Variants in ASIC2 observed in about 807,000 individuals in gnomAD.
The protein encoded by ASIC2 is acid sensing ion channel subunit 2, also known as acid-sensing ion channel 2.
In ASIC2, 25 loss-of-function variants were observed where a neutral mutation model predicts 57.3. The observed-to-expected ratio is 0.44, with a 90% CI of 0.32 to 0.61. The LOEUF (loss-of-function observed/expected upper bound fraction) is 0.61. ASIC2 is among the 20% of genes least tolerant of loss of function. The pLI is 0.06. For synonymous variants in ASIC2, 319 were observed against 307.5 expected (o/e 1.04, Z -0.39); for missense variants, 641 against 738.1 (o/e 0.87, Z 1.52).
intron 3 of ASIC2, among the ~76,000 whole-genome samples, chr17:33,063,697 G>C (rs1394824433): frequency 6.6e-6 from 1 of 152,130 alleles, no homozygotes; most frequent in Non-Finnish European, 1.5e-5. Context: ...TCCTGAATTT[G>C]AATGTTGGCC....
At chr17:33,829,363 T>TA (rs1913034436) in intron 1 of ASIC2, among the ~76,000 whole-genome samples, 1 of 152,204 alleles carries the variant, frequency 6.6e-6, no homozygotes, top group Admixed American at 6.5e-5. Context: ...TATCATTAAC[T>TA]AAAAAGTGCT....
intron 1 of ASIC2, among the ~76,000 whole-genome samples, chr17:33,480,294 A>T (rs1477948915): frequency 1.3e-5 from 2 of 152,142 alleles, no homozygotes; most frequent in Non-Finnish European, 2.9e-5. Context: ...AAGAAAAAGA[A>T]CAGGGTGCTG....
At chr17:33,082,083 C>G (rs2092115100) in intron 3 of ASIC2, among the ~76,000 whole-genome samples, 2 of 151,906 alleles carry the variant, frequency 1.3e-5, no homozygotes, top group Non-Finnish European at 2.9e-5. Flanking sequence ...TGATGGTTTC[C>G]AGCTGGTAGT....
chr17:33,610,054 G>GCACACA (rs57533251), intron 1 of ASIC2, among the ~76,000 whole-genome samples: 2,044 of 144,790 alleles, frequency 0.014, 29 homozygotes, highest in African/African-American at 0.026. Context: ...GGACAGAGGC[G>GCACACA]CACACACACA....
intron 1 of ASIC2, among the ~76,000 whole-genome samples, chr17:33,610,884 G>A (rs1905385615): frequency 6.6e-6 from 1 of 152,100 alleles, no homozygotes; most frequent in South Asian, 2.1e-4. Flanking sequence ...AACAGAGCAA[G>A]ACCCTGTCTC....
chr17:33,360,465 G>C (rs1421052579), intron 1 of ASIC2, among the ~76,000 whole-genome samples: 1 of 152,128 alleles, frequency 6.6e-6, no homozygotes, highest in African/African-American at 2.4e-5. Flanking sequence ...CCCTGAATGG[G>C]CTCCAGCTTC....
chr17:33,622,060 T>C (rs1037876231), intron 1 of ASIC2, among the ~76,000 whole-genome samples: 10 of 152,064 alleles, frequency 6.6e-5, no homozygotes, highest in African/African-American at 1.9e-4. Flanking sequence ...TTATTGTTTC[T>C]GAAGCATTTC....
intron 1 of ASIC2, among the ~76,000 whole-genome samples, chr17:33,271,876 C>T (rs911858373): frequency 2.0e-5 from 3 of 152,246 alleles, no homozygotes; most frequent in Non-Finnish European, 4.4e-5. Context: ...GAGTCATCTC[C>T]AAGTTCAGCC....
rs532505242 is a variant in ASIC2 at position 33,332,683 on chromosome 17, G to T, written c.556-220616C>A. Among the ~76,000 whole-genome samples the T allele has an allele frequency of 3.7e-4, 56 of 152,290 alleles. No individual in the cohort carries two copies. The South Asian group carries it at 0.012, about 32-fold the overall frequency. ...AGGCAGGTGGATCACCTGAGGTCAG[G>T]AGTTCGAGAGCAGCCTGGCCAACAT... On this transcript the variant is annotated intron_variant, in intron 1 of 9. Transcript: ENST00000359872.
intron 1 of ASIC2, among the ~76,000 whole-genome samples, chr17:33,708,543 A>G (rs1410646011): frequency 6.6e-6 from 1 of 152,150 alleles, no homozygotes; most frequent in African/African-American, 2.4e-5. Context: ...CTTCTCTTCC[A>G]GCTCTGAAGC....
chr17:33,653,091 A>T (rs936826463), intron 1 of ASIC2, among the ~76,000 whole-genome samples: 28 of 152,228 alleles, frequency 1.8e-4, no homozygotes, highest in African/African-American at 6.8e-4. Flanking sequence ...ATAAAGATAA[A>T]GTGCTGGACT....
At chr17:33,243,570 C>G (rs944943168) in intron 1 of ASIC2, among the ~76,000 whole-genome samples, 17 of 152,132 alleles carry the variant, frequency 1.1e-4, no homozygotes, top group African/African-American at 3.9e-4. Flanking sequence ...AAATCCAAGC[C>G]TGTTTCGCCA....
intron 1 of ASIC2, among the ~76,000 whole-genome samples, chr17:33,546,324 T>C (rs1272220728): frequency 2.6e-5 from 4 of 152,284 alleles, no homozygotes; most frequent in African/African-American, 9.6e-5. Context: ...CCTTCCTTCA[T>C]GTTTTCTCAA....
At chr17:33,754,892 A>G (rs968585635) in intron 1 of ASIC2, among the ~76,000 whole-genome samples, 2 of 136,914 alleles carry the variant, frequency 1.5e-5, no homozygotes, top group African/African-American at 5.3e-5. Flanking sequence ...TGGGAGGCAG[A>G]GCTTGCAGTG....
intron 1 of ASIC2, among the ~76,000 whole-genome samples, chr17:33,420,289 A>G (rs888405129): frequency 5.3e-5 from 8 of 152,248 alleles, no homozygotes; most frequent in African/African-American, 1.7e-4. Flanking sequence ...TGTACTGTCC[A>G]GATGGAGAAA....
At chr17:33,156,762 A>C (rs920376079) in intron 1 of ASIC2, among the ~76,000 whole-genome samples, 1 of 152,026 alleles carries the variant, frequency 6.6e-6, no homozygotes, top group Non-Finnish European at 1.5e-5. Context: ...TTTCAAAAAA[A>C]ACAAAAACAA....
intron 1 of ASIC2, among the ~76,000 whole-genome samples, chr17:33,623,876 C>G (rs1027938394): frequency 6.6e-6 from 1 of 152,144 alleles, no homozygotes; most frequent in Non-Finnish European, 1.5e-5. Flanking sequence ...ATCCAAGGCT[C>G]CAGCCCCCCA....
intron 1 of ASIC2, among the ~76,000 whole-genome samples, chr17:33,890,074 C>A (rs1914926288): frequency 6.6e-6 from 1 of 152,144 alleles, no homozygotes; most frequent in African/African-American, 2.4e-5. Flanking sequence ...CCACTAGCCA[C>A]AAGTCGTTAT....
At chr17:33,576,639 A>T (rs574759829) in intron 1 of ASIC2, among the ~76,000 whole-genome samples, 1 of 152,322 alleles carries the variant, frequency 6.6e-6, no homozygotes, top group African/African-American at 2.4e-5. Flanking sequence ...GGCACCTGTG[A>T]AGGCCAAGTG....
Sources: allele counts gnomAD v4.1 joint callset (sites outside exome capture counted in the v4.1 genomes callset), GRCh38; gene constraint gnomAD v4.1.1; transcripts MANE v1.5; gene names NCBI Gene and HGNC (gene_info 2026-07-23, HGNC 2026-07-21).